USP18: variants seen among roughly 807,000 people sequenced by gnomAD.
USP18 encodes the protein ubiquitin specific peptidase 18.
In USP18, 11 loss-of-function variants were observed where a neutral mutation model predicts 48.7. That is an observed-to-expected ratio of 0.23 (90% confidence interval 0.14 to 0.37). USP18 has a LOEUF of 0.37. USP18 is among the 10% of genes least tolerant of loss of function. USP18 has a pLI of 1.00. For missense variants in USP18, 285 were observed against 436.4 expected (o/e 0.65, Z 3.09); for synonymous variants, 114 against 163.2 (o/e 0.70, Z 2.30).
At chr22:18,173,101 G>C (rs560027961) in intron 8 of USP18, 49 bp from the exon 9 acceptor site, 1 of 1,604,298 alleles carries the variant, frequency 6.2e-7, no homozygotes, top group Non-Finnish European at 8.5e-7. Context: ...GTGTGAGGCA[G>C]TCGTGTTTGT....
chr22:18,175,741 G>A (rs1382454402), intron 10 of USP18, among the ~76,000 whole-genome samples: 3 of 148,010 alleles, frequency 2.0e-5, no homozygotes, highest in East Asian at 2.0e-4. Context: ...TTGGGAGGCC[G>A]AGGCAGGAGG....
At chr22:18,153,101 T>G (rs1210179444) in intron 1 of USP18, among the ~76,000 whole-genome samples, 2 of 151,932 alleles carry the variant, frequency 1.3e-5, no homozygotes, top group Non-Finnish European at 2.9e-5. Context: ...GAAAAAGAGG[T>G]TGTTGTTATC....
intron 9 of USP18, 41 bp from the exon 10 acceptor site, chr22:18,173,752 T>C: frequency 6.2e-7 from 1 of 1,605,620 alleles, no homozygotes; most frequent in Non-Finnish European, 8.5e-7. Context: ...TGGGTGCTTG[T>C]GTCAGCTGGC....
At position 18,157,725 on chromosome 22, in the gene USP18, A is replaced by C. The variant is rs749696214; in HGVS notation, c.62A>C (p.Gln21Pro). ...ICQSILAESS[Q>P]SPADLEEKKE... is the part of the protein sequence containing the mutation. ...CAGTCCATCCTGGCTGAGTCCTCGC[A>C]GTCCCCGGCAGATCTTGAAGAAAAG... Residue 21 changes from glutamine (Q) to proline (P), a missense_variant, in exon 2 of 11, where the codon CAG becomes CCG. Coordinates refer to ENST00000215794, the MANE Select transcript of USP18 (RefSeq NM_017414.4). 1.2e-6 allele frequency: 2 copies of C among 1,613,998 alleles called. No homozygotes were observed. Among genetic ancestry groups the C allele is most frequent in the African/African-American group, 2.7e-5 (2 of 74,902 alleles).
At chr22:18,167,445 C>T (rs1255437764) in intron 5 of USP18, 111 bp downstream of exon 5, 1 of 1,306,090 alleles carries the variant, frequency 7.7e-7, no homozygotes, top group Non-Finnish European at 1.1e-6. Flanking sequence ...CCCCTGTAAT[C>T]CCAGCACTTT....
intron 10 of USP18, among the ~76,000 whole-genome samples, chr22:18,176,214 G>A (rs1170086247): frequency 2.6e-5 from 2 of 76,634 alleles, no homozygotes; most frequent in African/African-American, 6.6e-5. Context: ...CCTGGGAGGC[G>A]GAGGTTGCAG....
chr22:18,157,162 G>A (rs1285291282), intron 1 of USP18, among the ~76,000 whole-genome samples: 1 of 152,266 alleles, frequency 6.6e-6, no homozygotes, highest in Non-Finnish European at 1.5e-5. Flanking sequence ...TTCTGCCAGG[G>A]CCGCAGGTCC....
chr22:18,160,227 G>A lies in USP18; in HGVS notation c.213G>A (p.Gln71=). 6.2e-7 allele frequency: 1 copy of A among 1,614,220 alleles called. No homozygotes were observed. Among genetic ancestry groups the A allele is most frequent in the Non-Finnish European group, 8.5e-7 (1 of 1,180,030 alleles). Residue 71 remains glutamine (Q), a synonymous_variant, in exon 3 of 11, where the codon CAG becomes CAA. Coordinates refer to ENST00000215794, the MANE Select transcript of USP18 (RefSeq NM_017414.4). The part of the protein sequence containing the change: ...GQTCCLNSLI[Q]VFVMNVDFTR... ...CCTGCTGCCTTAACTCCTTGATTCA[G>A]GTGTTCGTAATGAATGTGGACTTCA... is the stretch of plus-strand genomic sequence containing the variant.
intron 2 of USP18, 22 bp downstream of exon 2, chr22:18,157,842 T>A (rs756968590): frequency 2.5e-6 from 4 of 1,613,434 alleles, no homozygotes; most frequent in Non-Finnish European, 3.4e-6. Flanking sequence ...CCTCCCGTTT[T>A]CCTCTTCTTG....
chr22:18,168,385 T>C (rs1233272182), intron 6 of USP18, among the ~76,000 whole-genome samples: 5 of 141,092 alleles, frequency 3.5e-5, no homozygotes, highest in Non-Finnish European at 7.6e-5. Flanking sequence ...GCCCTCATGA[T>C]GCAATAACCT....
rs28391035 is a variant in USP18, at chr22:18,173,079, G to A, written c.892-71G>A. On this transcript the variant is annotated intron_variant, in intron 8 of 10. Coordinates refer to ENST00000215794, the MANE Select transcript of USP18 (RefSeq NM_017414.4). ...AGTCCCAGAGTCGGGCCTAGTGTGG[G>A]CAGGTATAAATGTGTGAGGCAGTCG... 8,736 of 1,589,734 alleles carry A rather than the reference G, an allele frequency of 5.5e-3. 337 individuals are homozygous for A. The African/African-American group carries it at 0.057, about 10-fold the overall frequency.
intron 4 of USP18, among the ~76,000 whole-genome samples, chr22:18,164,048 T>C (rs564271777): frequency 6.6e-6 from 1 of 152,366 alleles, no homozygotes; most frequent in African/African-American, 2.4e-5. Context: ...CTTCACGCAT[T>C]GTTTTACTCT....
intron 10 of USP18, among the ~76,000 whole-genome samples, chr22:18,174,210 A>G (rs1325359807): frequency 6.7e-6 from 1 of 148,488 alleles, no homozygotes. Flanking sequence ...GGCTTCTTGT[A>G]TGGTTTTCTT....
At position 18,171,459 on chromosome 22, in the gene USP18, C is replaced by T. The variant is rs1395467750; in HGVS notation, c.891+539C>T. 5.6e-5 allele frequency among the ~76,000 whole-genome samples: 8 copies of T among 141,692 alleles called. No individual in the cohort carries two copies. The East Asian group carries it at 5.9e-4, about 10-fold the overall frequency. The allele number at this position is 141,692 out of a possible 152,430, so 93.0% of individuals were successfully genotyped here. On this transcript the variant is annotated intron_variant, in intron 8 of 10. Transcript: ENST00000215794. ...AGCTTCAGCAACATAATGAGACCCC[C>T]GTCTCTCAAAAAAAAAAAAAAAAAT...
At chr22:18,156,320 AAG>A (rs1246912995) in intron 1 of USP18, among the ~76,000 whole-genome samples, 5 of 152,220 alleles carry the variant, frequency 3.3e-5, no homozygotes, top group African/African-American at 7.2e-5. Flanking sequence ...GGGGCCAGAT[AAG>A]AGAATAAAAG....
chr22:18,174,385 G>A (rs1240344175), intron 10 of USP18, among the ~76,000 whole-genome samples: 31 of 150,980 alleles, frequency 2.1e-4, no homozygotes, highest in African/African-American at 7.1e-4. Flanking sequence ...GTGCCACCAC[G>A]CCCAGCTGAT....
chr22:18,165,558 A>C (rs1929450834), intron 4 of USP18, among the ~76,000 whole-genome samples: 2 of 139,968 alleles, frequency 1.4e-5, no homozygotes, highest in Non-Finnish European at 3.1e-5. Flanking sequence ...TGCAAATATC[A>C]CCTTTCGCCT....
At chr22:18,156,176 C>T (rs537999151) in intron 1 of USP18, among the ~76,000 whole-genome samples, 1 of 152,220 alleles carries the variant, frequency 6.6e-6, no homozygotes, top group African/African-American at 2.4e-5. Flanking sequence ...CTAGTGGGGA[C>T]GTGGAGACGT....
intron 1 of USP18, among the ~76,000 whole-genome samples, chr22:18,157,148 G>C (rs1415460675): frequency 1.3e-5 from 2 of 152,262 alleles, no homozygotes; most frequent in East Asian, 3.8e-4. Context: ...AGAACACGAG[G>C]CTGTTCTGCC....
Sources: allele counts gnomAD v4.1 joint callset (sites outside exome capture counted in the v4.1 genomes callset), GRCh38; gene constraint gnomAD v4.1.1; transcripts MANE v1.5; gene names NCBI Gene and HGNC (gene_info 2026-07-23, HGNC 2026-07-21).